The following CACNG3 variants were observed in gnomAD, a reference collection of about 807,000 sequenced individuals.
CACNG3 encodes the protein voltage-dependent calcium channel gamma-3 subunit.
Under a neutral mutation model 28.5 loss-of-function variants are expected in CACNG3, and 3 were observed. The observed-to-expected ratio is 0.11, with a 90% confidence interval of 0.05 to 0.27. The LOEUF is 0.27. Among genes scored for constraint, CACNG3 ranks in the 10% least tolerant of loss-of-function variants. The pLI is 1.00. For synonymous variants in CACNG3, 174 were observed against 162.2 expected, an observed-to-expected ratio of 1.07 and a Z score of -0.55; for missense variants, 236 against 414.4, an observed-to-expected ratio of 0.57 and a Z score of 3.74.
At chr16:24,354,003 G>C (rs1899995082) in intron 2 of CACNG3, among the ~76,000 whole-genome samples, 1 of 152,084 alleles carries the variant, frequency 6.6e-6, no homozygotes, top group Admixed American at 6.6e-5. Context: ...GACCAGCCTG[G>C]GTAACTTGGT....
intron 1 of CACNG3, among the ~76,000 whole-genome samples, chr16:24,297,581 C>G (rs1479525248): frequency 6.6e-6 from 1 of 152,182 alleles, no homozygotes; most frequent in Admixed American, 6.5e-5. Context: ...ACCTGCCAGG[C>G]AGGTTGAAGT....
intron 1 of CACNG3, among the ~76,000 whole-genome samples, chr16:24,312,652 A>G (rs542183148): frequency 9.2e-5 from 14 of 151,884 alleles, no homozygotes; most frequent in African/African-American, 2.7e-4. Context: ...TCTGTCTCTT[A>G]AAAATTTTTT....
chr16:24,356,261 G>A (rs906884480), intron 3 of CACNG3, among the ~76,000 whole-genome samples: 1 of 152,132 alleles, frequency 6.6e-6, no homozygotes, highest in Non-Finnish European at 1.5e-5. Flanking sequence ...ATTGGGATGG[G>A]GACAGCGGTG....
chr16:24,335,820 A>T (rs985230483), intron 1 of CACNG3, among the ~76,000 whole-genome samples: 22 of 152,262 alleles, frequency 1.4e-4, no homozygotes, highest in African/African-American at 5.1e-4. Context: ...TCACGCCTGT[A>T]ATCTCAGACT....
At chr16:24,310,880 G>A (rs548048648) in intron 1 of CACNG3, among the ~76,000 whole-genome samples, 9 of 152,030 alleles carry the variant, frequency 5.9e-5, no homozygotes, top group African/African-American at 1.7e-4. Flanking sequence ...TGGGCTCCCC[G>A]CATCCTTCCC....
At chr16:24,357,142 G>A (rs191461528) in intron 3 of CACNG3, among the ~76,000 whole-genome samples, 6 of 151,062 alleles carry the variant, frequency 4.0e-5, no homozygotes, top group African/African-American at 1.5e-4. Flanking sequence ...GCTGAGGCAG[G>A]AGAATCGCTT....
At chr16:24,357,408 T>C (rs7192546) in intron 3 of CACNG3, among the ~76,000 whole-genome samples, 36,256 of 151,888 alleles carry the variant, frequency 0.24, 4,683 homozygotes, top group African/African-American at 0.32. Flanking sequence ...AGCCAAACCA[T>C]ATCAGAGACT....
At chr16:24,331,813 T>G (rs1160444307) in intron 1 of CACNG3, among the ~76,000 whole-genome samples, 1 of 152,176 alleles carries the variant, frequency 6.6e-6, no homozygotes. Flanking sequence ...CCTTGGCACT[T>G]GCAGTTTCCT....
chr16:24,322,315 C>T (rs1390261923), intron 1 of CACNG3, among the ~76,000 whole-genome samples: 1 of 152,126 alleles, frequency 6.6e-6, no homozygotes, highest in Non-Finnish European at 1.5e-5. Context: ...CTGTGAATGA[C>T]TCTATCAGGT....
Position 24,297,042 on chromosome 16 carries a change from A to G in CACNG3, c.211+40077A>G, listed in dbSNP as rs535153694. On this transcript the variant is annotated intron_variant, in intron 1 of 3. Transcript: ENST00000005284. ...AACTTTGGGAGGCCAAGGCAGGAGG[A>G]TTGCTTGAGCCCAGCCTGGGCAACA... Among the ~76,000 whole-genome samples, 38 of 152,128 alleles carry G rather than the reference A, an allele frequency of 2.5e-4. No homozygotes were observed. The South Asian group carries it at 6.6e-3, about 27-fold the overall frequency.
intron 1 of CACNG3, among the ~76,000 whole-genome samples, chr16:24,270,475 A>G (rs889630430): frequency 1.6e-4 from 24 of 152,390 alleles, no homozygotes; most frequent in African/African-American, 5.8e-4. Flanking sequence ...AGATCAAATC[A>G]AGAGGCAATG....
Position 24,348,353 on chromosome 16 carries a change from G to A in CACNG3, c.295+1536G>A, listed in dbSNP as rs141539777. On this transcript the variant is annotated intron_variant, in intron 2 of 3. Coordinates refer to ENST00000005284, the MANE Select transcript of CACNG3 (RefSeq NM_006539.4). ...AGGAAGCTGAGGCTGCAGTGCCATT[G>A]CAGTGATCGTGCCATTGCATTGATT... Among the ~76,000 whole-genome samples, 22 of 152,202 alleles carry A rather than the reference G, an allele frequency of 1.4e-4. No individual in the cohort carries two copies. In the East Asian group the frequency reaches 3.9e-3, roughly 27 times the overall value.
intron 1 of CACNG3, among the ~76,000 whole-genome samples, chr16:24,263,019 TC>T (rs1898555720): frequency 6.6e-6 from 1 of 152,210 alleles, no homozygotes; most frequent in South Asian, 2.1e-4. Flanking sequence ...ACCCAAGGGA[TC>T]ATCTGACCCT....
rs145675691 is a variant in CACNG3 at position 24,256,952 on chromosome 16, C to T, written c.198C>T (p.Thr66=). The T allele has an allele frequency of 2.9e-4, 470 of 1,606,868 alleles. 7 individuals carry two copies. The South Asian group carries it at 4.6e-3, about 16-fold the overall frequency. ...EVMTHSGLWR[T]CCLEGAFRGV... ...TGACCCATTCGGGGCTGTGGAGGAC[C>T]TGCTGCCTAGAAGGTATTTACAATT... is the stretch of plus-strand genomic sequence containing the variant. Residue 66 remains threonine (T), a synonymous_variant, in exon 1 of 4, where the codon ACC becomes ACT. Coordinates refer to ENST00000005284, the MANE Select transcript of CACNG3 (RefSeq NM_006539.4). This position sits in a 1 kb window ranked among gnomAD's most constrained non-coding sequence, Gnocchi z 4.6.
At chr16:24,338,770 C>G (rs1567222302) in intron 1 of CACNG3, among the ~76,000 whole-genome samples, 1 of 152,210 alleles carries the variant, frequency 6.6e-6, no homozygotes, top group Non-Finnish European at 1.5e-5. Context: ...GGACCTAAAA[C>G]CAGTCTTCAC....
chr16:24,312,285 A>G (rs1166910276), intron 1 of CACNG3, among the ~76,000 whole-genome samples: 2 of 152,188 alleles, frequency 1.3e-5, no homozygotes, highest in East Asian at 3.8e-4. Flanking sequence ...CTCCTGTCCC[A>G]TCTATCCTCC....
chr16:24,317,643 A>AG (rs1491323013), intron 1 of CACNG3, among the ~76,000 whole-genome samples: 1 of 63,246 alleles, frequency 1.6e-5, no homozygotes, highest in African/African-American at 7.7e-5. Flanking sequence ...AGAAAGAAAG[A>AG]AAAGAAAAGA....
chr16:24,350,384 A>C lies in CACNG3; in HGVS notation c.295+3567A>C, dbSNP rs117713454. Among the ~76,000 whole-genome samples the C allele has an allele frequency of 2.2e-3, 326 of 150,882 alleles. 4 individuals carry two copies. The East Asian group carries it at 0.039, about 18-fold the overall frequency. On this transcript the variant is annotated intron_variant, in intron 2 of 3. Coordinates refer to ENST00000005284, the MANE Select transcript of CACNG3 (RefSeq NM_006539.4). ...GGCTGGAGTACAGTGGCATGATCAT[A>C]GCTCACTGCACCCTCAAATTCCTAG...
intron 1 of CACNG3, among the ~76,000 whole-genome samples, chr16:24,315,441 G>GCCTT (rs200347903): frequency 1.0e-5 from 1 of 100,206 alleles, no homozygotes; most frequent in Non-Finnish European, 2.1e-5. Context: ...CTCCCTCCCT[G>GCCTT]CCTTCCTTCC....
Sources: allele counts gnomAD v4.1 joint callset (sites outside exome capture counted in the v4.1 genomes callset), GRCh38; gene constraint gnomAD v4.1.1; non-coding constraint Gnocchi (gnomAD v3.1); transcripts MANE v1.5; gene names NCBI Gene and HGNC (gene_info 2026-07-23, HGNC 2026-07-21).